RBFOX1: variants seen among roughly 807,000 people sequenced by gnomAD.
The protein encoded by RBFOX1 is RNA binding fox-1 homolog 1.
Under a neutral mutation model 57.7 loss-of-function variants are expected in RBFOX1, and 8 were observed. The ratio of observed to expected loss-of-function variants is 0.14; its 90% CI spans 0.08 to 0.25. The LOEUF (loss-of-function observed/expected upper bound fraction) is 0.25, where lower values mean the gene tolerates loss of function less well. Among genes scored for constraint, RBFOX1 ranks in the 10% least tolerant of loss-of-function variants. The pLI, the probability that RBFOX1 is intolerant of heterozygous loss-of-function variation, is 1.00. For synonymous variants in RBFOX1, 326 were observed against 222.4 expected, an observed-to-expected ratio of 1.47 and a Z score of -4.15; for missense variants, 611 against 548.5, an observed-to-expected ratio of 1.11 and a Z score of -1.14.
intron 3 of RBFOX1, among the ~76,000 whole-genome samples, chr16:6,826,472 G>C (rs984674767): frequency 3.3e-5 from 5 of 152,076 alleles, no homozygotes; most frequent in Non-Finnish European, 7.4e-5. Flanking sequence ...TTAGAGATGA[G>C]AAAATAACCT....
intron 2 of RBFOX1, among the ~76,000 whole-genome samples, chr16:6,423,798 C>A (rs763655918): frequency 2.0e-5 from 3 of 152,096 alleles, no homozygotes; most frequent in Admixed American, 6.5e-5. Flanking sequence ...CCCAGGAAGG[C>A]CATGGTCCAG....
At chr16:5,973,795 A>T (rs576349906) in intron 4 of RBFOX1, among the ~76,000 whole-genome samples, 2 of 152,222 alleles carry the variant, frequency 1.3e-5, no homozygotes, top group African/African-American at 4.8e-5. Context: ...GAGCAAGGAC[A>T]AGGATCTGTC....
At chr16:7,091,512 T>C (rs1212733051) in intron 4 of RBFOX1, among the ~76,000 whole-genome samples, 1 of 151,316 alleles carries the variant, frequency 6.6e-6, no homozygotes, top group Non-Finnish European at 1.5e-5. Context: ...CTTTTACCAA[T>C]GTAGTTCAGT....
chr16:7,363,235 G>C (rs199652401), intron 4 of RBFOX1, among the ~76,000 whole-genome samples: 9 of 152,278 alleles, frequency 5.9e-5, no homozygotes, highest in Middle Eastern at 3.4e-3. Context: ...TGGGTTCTTT[G>C]TCTGTTGTGT....
chr16:6,792,904 C>G (rs1371364383), intron 3 of RBFOX1, among the ~76,000 whole-genome samples: 7 of 151,880 alleles, frequency 4.6e-5, no homozygotes, highest in Non-Finnish European at 1.0e-4. Flanking sequence ...ATGGCGGGCA[C>G]CTGTAATCCA....
chr16:5,625,821 G>A (rs992321619), intron 3 of RBFOX1, among the ~76,000 whole-genome samples: 1 of 152,018 alleles, frequency 6.6e-6, no homozygotes, highest in Non-Finnish European at 1.5e-5. Flanking sequence ...GCCTCCCAAA[G>A]TACTGGGATT....
Position 6,969,732 on chromosome 16 carries a change from A to C in RBFOX1, c.-15-82325A>C, listed in dbSNP as rs957674224. On this transcript the variant is annotated intron_variant, in intron 3 of 15. Transcript: ENST00000550418. ...TCACTCCAGCCTGGGTGACAGAGCCAGACCCTGTCTCAAATAAATAAAAAT... is the reference window on the plus strand; with the variant it reads ...TCACTCCAGCCTGGGTGACAGAGCCCGACCCTGTCTCAAATAAATAAAAAT... 4.6e-5 allele frequency among the ~76,000 whole-genome samples: 7 copies of C among 152,258 alleles called. 1 individual carries two copies.
chr16:6,028,294 G>A (rs577122480), intron 1 of RBFOX1, among the ~76,000 whole-genome samples: 6 of 152,140 alleles, frequency 3.9e-5, no homozygotes, highest in Non-Finnish European at 8.8e-5. Flanking sequence ...TTCCCCAGTG[G>A]AGGGAAAATA....
Position 6,747,537 on chromosome 16 carries a change from C to T in RBFOX1, c.-16+92887C>T, listed in dbSNP as rs577277869. ...TTGTCACCTGGGATATGTAAGAAGC[C>T]TGTTGGGGCAGTATTCACATAATCT... On this transcript the variant is annotated intron_variant, in intron 3 of 15. Transcript: ENST00000550418. 2.6e-4 allele frequency among the ~76,000 whole-genome samples: 40 copies of T among 152,110 alleles called. 1 individual carries two copies. The highest frequency in any genetic ancestry group is 3.4e-3 in the Middle Eastern group (1 of 294).
At chr16:5,890,120 T>A (rs1258242299) in intron 4 of RBFOX1, among the ~76,000 whole-genome samples, 2 of 152,186 alleles carry the variant, frequency 1.3e-5, no homozygotes, top group Non-Finnish European at 2.9e-5. Flanking sequence ...TGCTTGGTCA[T>A]GGAGGGAGGA....
In RBFOX1 at chr16:5,429,729, C is replaced by G. The variant is rs372760695; in HGVS notation, c.220-37487C>G. Among the ~76,000 whole-genome samples the G allele has an allele frequency of 7.9e-4, 120 of 152,298 alleles. No homozygotes were observed. In the South Asian group the frequency reaches 0.023, roughly 30 times the overall value. On this transcript the variant is annotated intron_variant, in intron 1 of 2. Transcript: ENST00000585867. Reference sequence around the variant, plus strand: ...AAACCGTCTCAAATACATCACTGTGCCATAATTCTGCTGCTGTCAATAAGC... The same window carrying G: ...AAACCGTCTCAAATACATCACTGTGGCATAATTCTGCTGCTGTCAATAAGC...
At chr16:7,703,578 A>C (rs568546230) in intron 14 of RBFOX1, among the ~76,000 whole-genome samples, 1 of 152,340 alleles carries the variant, frequency 6.6e-6, no homozygotes, top group South Asian at 2.1e-4. Flanking sequence ...CTGTGGCCCT[A>C]TAAGAAAATT....
At chr16:6,212,309 A>G (rs902707459) in intron 1 of RBFOX1, among the ~76,000 whole-genome samples, 7 of 152,196 alleles carry the variant, frequency 4.6e-5, no homozygotes, top group African/African-American at 1.2e-4. Flanking sequence ...ACACATTTGT[A>G]TAGGTAACAT....
Position 5,795,249 on chromosome 16 carries a change from G to T in RBFOX1, c.319-72054G>T, listed in dbSNP as rs1567551917. Among the ~76,000 whole-genome samples, 2 of 151,752 alleles carry T rather than the reference G, an allele frequency of 1.3e-5. 1 individual carries two copies. Among genetic ancestry groups the T allele is most frequent in the Non-Finnish European group, 2.9e-5 (2 of 67,998 alleles). On this transcript the variant is annotated intron_variant, in intron 3 of 19. Coordinates refer to the RBFOX1 transcript ENST00000641259. ...CCTATTACTATGCCCAGTGACACTT[G>T]GTTCCTGTTAAGGACCAAGATCTGT...
chr16:6,461,206 C>T (rs1008180938), intron 2 of RBFOX1, among the ~76,000 whole-genome samples: 1 of 152,118 alleles, frequency 6.6e-6, no homozygotes. Context: ...TCATGGCACG[C>T]ATTTACCTAT....
At chr16:5,456,113 T>TA (rs963998689) in intron 1 of RBFOX1, among the ~76,000 whole-genome samples, 55 of 150,736 alleles carry the variant, frequency 3.6e-4, no homozygotes, top group East Asian at 5.8e-4. Context: ...ATCATTTTTT[T>TA]AAAAAAAAAA....
intron 2 of RBFOX1, among the ~76,000 whole-genome samples, chr16:5,551,529 C>G (rs1419421766): frequency 2.0e-5 from 3 of 152,202 alleles, no homozygotes; most frequent in Non-Finnish European, 4.4e-5. Flanking sequence ...CCTCCGAATC[C>G]ACTCTGCTTT....
At chr16:5,335,191 T>TA (rs1461424505) in intron 1 of RBFOX1, among the ~76,000 whole-genome samples, 2 of 84,000 alleles carry the variant, frequency 2.4e-5, no homozygotes, top group Non-Finnish European at 5.6e-5. Flanking sequence ...CTCTGCAATT[T>TA]AAAAAATTGG....
intron 1 of RBFOX1, among the ~76,000 whole-genome samples, chr16:6,126,694 G>A (rs1444987752): frequency 1.3e-5 from 2 of 152,098 alleles, no homozygotes; most frequent in South Asian, 2.1e-4. Flanking sequence ...ACTAGAGCAG[G>A]TTTTGTTCTT....
Sources: allele counts gnomAD v4.1 joint callset (sites outside exome capture counted in the v4.1 genomes callset), GRCh38; gene constraint gnomAD v4.1.1; transcripts MANE v1.5; gene names NCBI Gene and HGNC (gene_info 2026-07-23, HGNC 2026-07-21).